Variants in ICAM2 observed in about 807,000 individuals in gnomAD.
ICAM2 encodes the protein intercellular adhesion molecule 2.
A neutral mutation model predicts 19.1 loss-of-function variants in ICAM2; 14 were observed. The ratio of observed to expected loss-of-function variants is 0.73; its 90% CI spans 0.48 to 1.15. ICAM2 has a LOEUF of 1.15. ICAM2 is among the 50% of genes most tolerant of loss of function. The probability of loss-of-function intolerance (pLI) is 0.00; values close to 1 mark genes in which losing one functional copy is unlikely to be tolerated. For synonymous variants in ICAM2, 153 were observed against 152.7 expected (o/e 1.00, Z -0.01); for missense variants, 311 against 355.4 (o/e 0.88, Z 1.00).
intron 3 of ICAM2, chr17:64,004,804 T>C (rs1911091005): frequency 2.1e-6 from 1 of 482,406 alleles, no homozygotes; most frequent in East Asian, 3.9e-5. Context: ...GCATGGGACA[T>C]GGGGTGCTCT....
chr17:64,003,807 C>T lies in ICAM2; in HGVS notation c.486G>A (p.Gly162=). Residue 162 remains glycine (G), a synonymous_variant, in exon 4 of 5, where the codon GGG becomes GGA. Transcript: ENST00000579788. ...GNETLHYETF[G]KAAPAPQEAT... ...CCTCCTGCGGAGCAGGGGCTGCCTTCCCGAAGGTCTCATAGTGCAGAGTCT... is the reference window on the plus strand; with the variant it reads ...CCTCCTGCGGAGCAGGGGCTGCCTTTCCGAAGGTCTCATAGTGCAGAGTCT... 2 of 1,614,220 alleles carry T rather than the reference C, an allele frequency of 1.2e-6. No homozygotes were observed. Among genetic ancestry groups the T allele is most frequent in the Non-Finnish European group, 8.5e-7 (1 of 1,180,052 alleles).
intron 1 of ICAM2, among the ~76,000 whole-genome samples, chr17:64,014,367 GAAA>G (rs1567849301): frequency 3.9e-4 from 22 of 56,036 alleles, no homozygotes; most frequent in African/African-American, 1.3e-3. Context: ...AAGAAAGAAA[GAAA>G]GAAAGAAAGG....
intron 1 of ICAM2, among the ~76,000 whole-genome samples, chr17:64,014,697 G>T (rs1298942861): frequency 1.3e-5 from 1 of 74,350 alleles, no homozygotes; most frequent in Non-Finnish European, 3.0e-5. Flanking sequence ...AAGGAAGGAA[G>T]GAAGGAAGGA....
chr17:64,012,367 G>A (rs1911489662), intron 1 of ICAM2, among the ~76,000 whole-genome samples: 1 of 152,190 alleles, frequency 6.6e-6, no homozygotes, highest in South Asian at 2.1e-4. Context: ...GGAGGCTGAG[G>A]CGGGTGGATC....
At position 64,003,844 on chromosome 17, in the gene ICAM2, A is replaced by G. The variant is rs1450168064; in HGVS notation, c.449T>C (p.Phe150Ser). 3.1e-6 allele frequency: 5 copies of G among 1,614,182 alleles called. No individual in the cohort carries two copies. The highest frequency in any genetic ancestry group is 4.2e-6 in the Non-Finnish European group (5 of 1,180,034). ...ATAGTGCAGAGTCTCATTGCCACGG[A>G]ACAGGAAGAGGGTGAGGCTGTCCAG... The part of the protein sequence containing the change: ...EPLDSLTLFL[F>S]RGNETLHYET... The change falls in exon 4 of 5, where the codon TTC (phenylalanine) becomes TCC (serine). Residue 150 changes from phenylalanine to serine, a missense_variant. Coordinates refer to ENST00000579788, the MANE Select transcript of ICAM2 (RefSeq NM_001099789.2).
intron 4 of ICAM2, 82 bp downstream of exon 4, chr17:64,003,562 A>G: frequency 7.6e-7 from 1 of 1,309,856 alleles, no homozygotes; most frequent in South Asian, 1.3e-5. Flanking sequence ...TTTGCTTCCC[A>G]AGTGGGACTC....
intron 1 of ICAM2, among the ~76,000 whole-genome samples, chr17:64,012,723 T>G (rs1264905707): frequency 6.6e-6 from 1 of 152,228 alleles, no homozygotes; most frequent in East Asian, 1.9e-4. Flanking sequence ...TATTAGATGT[T>G]CTAAATAATC....
chr17:64,014,716 AG>A (rs1433285794), intron 1 of ICAM2, among the ~76,000 whole-genome samples: 150 of 8,746 alleles, frequency 0.017, 1 homozygote, highest in African/African-American at 0.022. Flanking sequence ...GAAGGAAGGA[AG>A]GAAGGAAGAA....
chr17:64,014,537 GAGAA>G (rs1472609604), intron 1 of ICAM2, among the ~76,000 whole-genome samples: 1 of 131,574 alleles, frequency 7.6e-6, no homozygotes, highest in Non-Finnish European at 1.6e-5. Flanking sequence ...GAAAGAGAGA[GAGAA>G]AGGAAGGAAG....
chr17:64,002,954 A>G, intron 4 of ICAM2, 29 bp from the exon 5 acceptor site: 4 of 1,597,432 alleles, frequency 2.5e-6, no homozygotes, highest in African/African-American at 1.3e-5. Context: ...AGGGTCTTAG[A>G]CGTCCTGTGA....
chr17:64,012,144 T>G (rs1474874586), intron 1 of ICAM2, among the ~76,000 whole-genome samples: 1 of 152,224 alleles, frequency 6.6e-6, no homozygotes, highest in Non-Finnish European at 1.5e-5. Context: ...GGACAATATG[T>G]TAAGTGAAAT....
intron 2 of ICAM2, 86 bp from the exon 3 acceptor site, chr17:64,005,459 C>T: frequency 6.8e-7 from 1 of 1,471,072 alleles, no homozygotes; most frequent in East Asian, 2.3e-5. Flanking sequence ...AGTCTGGCTC[C>T]TGGGTCAGGG....
At chr17:64,015,874 ATTT>A (rs1030111523) in intron 1 of ICAM2, among the ~76,000 whole-genome samples, 3 of 151,882 alleles carry the variant, frequency 2.0e-5, no homozygotes, top group Admixed American at 1.3e-4. Context: ...TATTATTATT[ATTT>A]TTTTTAGAAA....
At chr17:64,012,053 G>GATA (rs966961555) in intron 1 of ICAM2, among the ~76,000 whole-genome samples, 3 of 152,162 alleles carry the variant, frequency 2.0e-5, no homozygotes, top group Non-Finnish European at 4.4e-5. Context: ...AAGAAAATCT[G>GATA]ATACATATAT....
At chr17:64,014,575 G>A (rs1911614924) in intron 1 of ICAM2, among the ~76,000 whole-genome samples, 1 of 131,128 alleles carries the variant, frequency 7.6e-6, no homozygotes, top group Non-Finnish European at 1.6e-5. Context: ...GAGAGAGAAA[G>A]GAAGGAAGGA....
At chr17:64,003,028 C>T in intron 4 of ICAM2, 103 bp from the exon 5 acceptor site, 1 of 993,260 alleles carries the variant, frequency 1.0e-6, no homozygotes, top group Non-Finnish European at 1.5e-6. Context: ...CCAGACCCCG[C>T]CGCCCGCTCA....
At chr17:64,011,866 CA>C (rs1233366080) in intron 1 of ICAM2, among the ~76,000 whole-genome samples, 2 of 152,246 alleles carry the variant, frequency 1.3e-5, no homozygotes, top group East Asian at 3.9e-4. Flanking sequence ...GGAGGCTCCT[CA>C]AAAAATTAAA....
intron 1 of ICAM2, among the ~76,000 whole-genome samples, chr17:64,008,031 A>T (rs1911292338): frequency 6.6e-6 from 1 of 151,946 alleles, no homozygotes; most frequent in African/African-American, 2.4e-5. Flanking sequence ...AATCCTCAGG[A>T]CTTTGGCCAA....
intron 1 of ICAM2, among the ~76,000 whole-genome samples, chr17:64,010,448 T>C (rs945626459): frequency 2.0e-5 from 3 of 151,880 alleles, no homozygotes; most frequent in South Asian, 2.1e-4. Flanking sequence ...AGAGTCTCAG[T>C]TTAGAAAGTG....
Sources: allele counts gnomAD v4.1 joint callset (sites outside exome capture counted in the v4.1 genomes callset), GRCh38; gene constraint gnomAD v4.1.1; transcripts MANE v1.5; gene names NCBI Gene and HGNC (gene_info 2026-07-23, HGNC 2026-07-21).